The following CPLX4 variants were observed in gnomAD, a reference collection of about 807,000 sequenced individuals.
CPLX4 encodes the protein complexin-4.
CPLX4 carries 17 observed loss-of-function variants against 16.1 expected under a neutral mutation model. The ratio of observed to expected loss-of-function variants is 1.06; its 90% CI spans 0.72 to 1.59. The LOEUF (loss-of-function observed/expected upper bound fraction) is 1.59. CPLX4 is among the 40% of genes most tolerant of loss of function. The pLI is 0.00. For synonymous variants in CPLX4, 55 were observed against 57.8 expected (o/e 0.95, Z 0.22); for missense variants, 193 against 192.9 (o/e 1.00, Z 0.00).
chr18:59,298,449 A>G (rs977443392), intron 2 of CPLX4, among the ~76,000 whole-genome samples: 1 of 152,196 alleles, frequency 6.6e-6, no homozygotes, highest in African/African-American at 2.4e-5. Context: ...GAGTGTCAGA[A>G]AAGCTAATGA....
chr18:59,318,487 C>T lies in CPLX4; in HGVS notation c.-25G>A, dbSNP rs1198348708. On this transcript the variant is annotated 5_prime_UTR_variant, in exon 1 of 3. Coordinates refer to ENST00000299721, the MANE Select transcript of CPLX4 (RefSeq NM_181654.4). ...TTTTCTCTGCCCCAGAAAAATAAAA[C>T]CAAAATTCAGACAAAAGCTGAAAAA... The T allele has an allele frequency of 6.3e-7, 1 of 1,575,280 alleles. No homozygotes were observed. Among genetic ancestry groups the T allele is most frequent in the Admixed American group, 2.0e-5 (1 of 50,278 alleles).
At chr18:59,313,193 A>C (rs1438693657) in intron 1 of CPLX4, among the ~76,000 whole-genome samples, 1 of 152,116 alleles carries the variant, frequency 6.6e-6, no homozygotes, top group African/African-American at 2.4e-5. Flanking sequence ...ATTTTTAGCA[A>C]GCTCCCCGAG....
At chr18:59,300,380 T>C (rs1473867215) in intron 2 of CPLX4, among the ~76,000 whole-genome samples, 1 of 152,210 alleles carries the variant, frequency 6.6e-6, no homozygotes. Flanking sequence ...GTTTACTGAA[T>C]GATTCAATGA....
chr18:59,296,687 C>A lies in CPLX4; in HGVS notation c.*11G>T. 1 of 1,607,258 alleles carries A rather than the reference C, an allele frequency of 6.2e-7. No homozygotes were observed. The highest frequency in any genetic ancestry group is 1.1e-5 in the South Asian group (1 of 90,530). The stretch of plus-strand genomic sequence containing the variant: ...GGATGGCTGGTTCCCTCCCTCCACC[C>A]CTCCCACCCCTCACATCACGGAACA... On this transcript the variant is annotated 3_prime_UTR_variant, in exon 3 of 3. Transcript: ENST00000299721.
intron 2 of CPLX4, among the ~76,000 whole-genome samples, chr18:59,302,622 A>G (rs1005082784): frequency 2.0e-5 from 3 of 152,194 alleles, no homozygotes; most frequent in African/African-American, 7.2e-5. Context: ...CAGACTTATT[A>G]TCTTTATGGC....
At position 59,318,428 on chromosome 18, in the gene CPLX4, T is replaced by G. The variant is rs1207895344; in HGVS notation, c.35A>C (p.Gln12Pro). 5.0e-6 allele frequency: 8 copies of G among 1,613,386 alleles called. No homozygotes were observed. The highest frequency in any genetic ancestry group is 5.9e-6 in the Non-Finnish European group (7 of 1,179,752). The change falls in exon 1 of 3, where the codon CAG (glutamine) becomes CCG (proline). Residue 12 changes from glutamine (Q) to proline (P), a missense_variant. Physicochemically the swap from Gln to Pro is moderately conservative, Grantham distance 76 (BLOSUM62 -1). Coordinates refer to ENST00000299721, the MANE Select transcript of CPLX4 (RefSeq NM_181654.4). ...AFLMKSMISN[Q>P]VKNLGFGGGS... The stretch of plus-strand genomic sequence containing the variant: ...ACCACCAAATCCTAAATTCTTTACC[T>G]GGTTACTTATCATACTTTTCATAAG...
intron 2 of CPLX4, among the ~76,000 whole-genome samples, chr18:59,298,504 C>T (rs145605607): frequency 6.6e-6 from 1 of 151,986 alleles, no homozygotes; most frequent in Non-Finnish European, 1.5e-5. Flanking sequence ...TTGTGACCAG[C>T]CTTAAATTTG....
intron 1 of CPLX4, among the ~76,000 whole-genome samples, chr18:59,316,753 G>A (rs992962333): frequency 6.6e-6 from 1 of 152,058 alleles, no homozygotes; most frequent in African/African-American, 2.4e-5. Context: ...AGGAAAACTA[G>A]GACATTAGTT....
rs752058906 is a variant in CPLX4, at chr18:59,318,449, A to G, written c.14T>C (p.Met5Thr). 3 of 1,608,548 alleles carry G rather than the reference A, an allele frequency of 1.9e-6. No homozygotes were observed. Among genetic ancestry groups the G allele is most frequent in the South Asian group, 1.1e-5 (1 of 89,892 alleles). The change falls in exon 1 of 3, where the codon ATG becomes ACG. Residue 5 changes from methionine (M) to threonine (T), a missense_variant. Coordinates refer to ENST00000299721, the MANE Select transcript of CPLX4 (RefSeq NM_181654.4). The stretch of plus-strand genomic sequence containing the variant: ...TACCTGGTTACTTATCATACTTTTC[A>G]TAAGGAAAGCCATTTTCTCTGCCCC... MAFLMKSMISNQVKN... is the reference protein window; with the variant it reads MAFLTKSMISNQVKN...
At position 59,296,707 on chromosome 18, in the gene CPLX4, G is replaced by A. The variant is rs149408519; in HGVS notation, c.474C>T (p.Ser158=). The change falls in exon 3 of 3, where the codon TCC becomes TCT. Residue 158 remains serine, a synonymous_variant. Coordinates refer to ENST00000299721, the MANE Select transcript of CPLX4 (RefSeq NM_181654.4). The part of the protein sequence containing the change: ...EIKQTAEQKC[S]VM ...CCACCCCTCCCACCCCTCACATCACGGAACACTTCTGCTCCGCTGTCTGCT... is the reference window on the plus strand; with the variant it reads ...CCACCCCTCCCACCCCTCACATCACAGAACACTTCTGCTCCGCTGTCTGCT... The A allele has an allele frequency of 2.6e-5, 34 of 1,292,914 alleles. No individual in the cohort carries two copies. The highest frequency in any genetic ancestry group is 7.5e-5 in the African/African-American group (5 of 66,816). 80.1% of individuals were successfully genotyped at this position (1,292,914 alleles called of 1,614,324 possible). A position where few individuals can be genotyped will look rare whatever the true frequency, so the allele number is the denominator to read the frequency against.
Position 59,304,575 on chromosome 18 carries a change from T to G in CPLX4, c.256-7650A>C, listed in dbSNP as rs80278838. 1.1e-4 allele frequency among the ~76,000 whole-genome samples: 17 copies of G among 152,208 alleles called. No homozygotes were observed. In the East Asian group the frequency reaches 3.3e-3, roughly 29 times the overall value. On this transcript the variant is annotated intron_variant, in intron 2 of 2. Transcript: ENST00000299721. The stretch of plus-strand genomic sequence containing the variant: ...ACACTTTGTTCTTTGGGCATTTTAT[T>G]TTATTTTATTTTATTGAGATGGAGT...
At position 59,318,595 on chromosome 18, in the gene CPLX4, C is replaced by T. The variant is rs2070667077; in HGVS notation, c.-133G>A. ...TTTAAGAGCAAAGGACTTTGCACAA[C>T]CTCATCTATTCAAGGGCATACTGAT... is the stretch of plus-strand genomic sequence containing the variant. On this transcript the variant is annotated 5_prime_UTR_variant, in exon 1 of 3. Transcript: ENST00000299721. 1 of 1,419,708 alleles carries T rather than the reference C, an allele frequency of 7.0e-7. No homozygotes were observed. Among genetic ancestry groups the T allele is most frequent in the South Asian group, 1.5e-5 (1 of 65,250 alleles). 87.9% of individuals were successfully genotyped at this position (1,419,708 alleles called of 1,614,324 possible).
At chr18:59,297,222 C>A (rs1033071436) in intron 2 of CPLX4, among the ~76,000 whole-genome samples, 1 of 152,100 alleles carries the variant, frequency 6.6e-6, no homozygotes, top group African/African-American at 2.4e-5. Context: ...AATTCTTGGG[C>A]CCCATCCCAG....
At chr18:59,309,098 A>T (rs1306665577) in intron 2 of CPLX4, among the ~76,000 whole-genome samples, 1 of 152,226 alleles carries the variant, frequency 6.6e-6, no homozygotes, top group Non-Finnish European at 1.5e-5. Context: ...TGCCCAGAGT[A>T]GCCGATTTTT....
chr18:59,308,649 G>A (rs1307514420), intron 2 of CPLX4, among the ~76,000 whole-genome samples: 1 of 151,204 alleles, frequency 6.6e-6, no homozygotes, highest in Non-Finnish European at 1.5e-5. Flanking sequence ...GCCAGTGGCC[G>A]CGGCGCTAGG....
intron 2 of CPLX4, among the ~76,000 whole-genome samples, chr18:59,310,947 CGTGTGTGTGTGTGTGTGTGT>C (rs56041362): frequency 6.3e-5 from 9 of 143,538 alleles, no homozygotes; most frequent in Admixed American, 1.4e-4. Context: ...CCCAGCCAAT[CGTGTGTGTGTGTGTGTGTGT>C]GTGTGTGTGT....
chr18:59,309,619 C>G (rs896813029), intron 2 of CPLX4, among the ~76,000 whole-genome samples: 2 of 151,842 alleles, frequency 1.3e-5, no homozygotes, highest in African/African-American at 4.8e-5. Flanking sequence ...GTCAGGAGAT[C>G]GAGACCATCC....
At chr18:59,306,468 T>G (rs761229483) in intron 2 of CPLX4, among the ~76,000 whole-genome samples, 1 of 152,204 alleles carries the variant, frequency 6.6e-6, no homozygotes, top group Non-Finnish European at 1.5e-5. Flanking sequence ...AAATTAACAA[T>G]GGTCACCAAA....
At position 59,296,892 on chromosome 18, in the gene CPLX4, C is replaced by T. The variant is rs754615239; in HGVS notation, c.289G>A (p.Gly97Arg). ...TCTTCAGGTAAATCCACATCATCTC[C>T]AGCCATCTGGATTTGATTCTCATCC... ...EMDENQIQMA[G>R]DDVDLPEDLR... The change falls in exon 3 of 3, where the codon GGA becomes AGA. Residue 97 changes from glycine to arginine, a missense_variant. Transcript: ENST00000299721. 1 of 1,612,414 alleles carries T rather than the reference C, an allele frequency of 6.2e-7. No individual in the cohort carries two copies. Among genetic ancestry groups the T allele is most frequent in the South Asian group, 1.1e-5 (1 of 90,258 alleles).
Sources: allele counts gnomAD v4.1 joint callset (sites outside exome capture counted in the v4.1 genomes callset), GRCh38; gene constraint gnomAD v4.1.1; transcripts MANE v1.5; gene names NCBI Gene and HGNC (gene_info 2026-07-23, HGNC 2026-07-21).